The following WDR70 variants were observed in gnomAD, a reference collection of about 807,000 sequenced individuals.
WDR70 encodes the protein WD repeat-containing protein 70.
Under a neutral mutation model 88.6 loss-of-function variants are expected in WDR70, and 53 were observed. The ratio of observed to expected loss-of-function variants is 0.60; its 90% CI spans 0.48 to 0.75. The LOEUF (loss-of-function observed/expected upper bound fraction) is 0.75. WDR70 is among the 30% of genes least tolerant of loss of function. The pLI is 0.00. For missense variants in WDR70, 610 were observed against 823.2 expected (o/e 0.74, Z 3.17); for synonymous variants, 280 against 270.0 (o/e 1.04, Z -0.36).
chr5:37,673,969 C>G (rs1437091917), intron 10 of WDR70, among the ~76,000 whole-genome samples: 1 of 151,960 alleles, frequency 6.6e-6, no homozygotes, highest in Non-Finnish European at 1.5e-5. Flanking sequence ...TATGGCTACA[C>G]AGTATTCCAT....
intron 13 of WDR70, 98 bp from the exon 14 acceptor site, chr5:37,721,017 T>G: frequency 4.7e-5 from 45 of 962,228 alleles, no homozygotes; most frequent in East Asian, 1.4e-4. Context: ...ACCATCAGGA[T>G]GATATTTGAT....
chr5:37,525,711 C>T (rs867153043), intron 9 of WDR70, among the ~76,000 whole-genome samples: 2 of 151,806 alleles, frequency 1.3e-5, no homozygotes, highest in South Asian at 4.2e-4. Context: ...TTGAAAAGAT[C>T]AATAAAATTG....
rs138881696 is a variant in WDR70, at chr5:37,544,285, A to C, written c.917+27695A>C. Reference sequence around the variant, plus strand: ...CTTCCACTTGGAGAGGCACAGTGCCAAAGAGTAAGTACATTAAACATCCTG... The same window carrying C: ...CTTCCACTTGGAGAGGCACAGTGCCCAAGAGTAAGTACATTAAACATCCTG... On this transcript the variant is annotated intron_variant, in intron 9 of 17. Transcript: ENST00000265107. Among the ~76,000 whole-genome samples, 391 of 152,282 alleles carry C rather than the reference A, an allele frequency of 2.6e-3. 13 individuals carry two copies. In the East Asian group the frequency reaches 0.066, roughly 26 times the overall value.
chr5:37,402,892 ATCCTTCCT>A (rs201512739), intron 5 of WDR70, among the ~76,000 whole-genome samples: 3 of 137,344 alleles, frequency 2.2e-5, no homozygotes, highest in Non-Finnish European at 4.7e-5. Context: ...TGTAAAATCC[ATCCTTCCT>A]TCCTTCCTTC....
intron 17 of WDR70, among the ~76,000 whole-genome samples, chr5:37,739,757 C>G (rs1748418143): frequency 1.3e-5 from 2 of 152,102 alleles, no homozygotes; most frequent in South Asian, 2.1e-4. Flanking sequence ...AACCTGTCAT[C>G]TACAATAGGT....
In WDR70 at chr5:37,455,636, C is replaced by CTTTTTTTTTT. The variant is rs59254502; in HGVS notation, c.686+12274_686+12283dup. 1.9e-3 allele frequency among the ~76,000 whole-genome samples: 132 copies of CTTTTTTTTTT among 70,432 alleles called. 17 individuals are homozygous for CTTTTTTTTTT. Among genetic ancestry groups the CTTTTTTTTTT allele is most frequent in the East Asian group, 5.7e-3 (9 of 1,566 alleles). 46.2% of individuals were successfully genotyped at this position (70,432 alleles called of 152,430 possible). On this transcript the variant is annotated intron_variant, in intron 7 of 17. Transcript: ENST00000265107. Reference sequence around the variant, plus strand: ...TTCTCTCGGGTCCAGTTCTCTTTATCTTTTTTTTTTTTTTTTTTTGCCACA... The same window carrying CTTTTTTTTTT: ...TTCTCTCGGGTCCAGTTCTCTTTATCTTTTTTTTTTTTTTTTTTTTTTTTTTTTTGCCACA...
intron 13 of WDR70, among the ~76,000 whole-genome samples, chr5:37,706,061 A>C (rs1460621986): frequency 6.6e-6 from 1 of 152,254 alleles, no homozygotes; most frequent in Non-Finnish European, 1.5e-5. Context: ...TTTAACTAAA[A>C]ACTATCTTCA....
intron 10 of WDR70, among the ~76,000 whole-genome samples, chr5:37,612,897 A>G (rs1744226471): frequency 6.6e-6 from 1 of 152,240 alleles, no homozygotes; most frequent in Non-Finnish European, 1.5e-5. Context: ...GTGCTTTAAC[A>G]TGCCTATTTT....
chr5:37,563,851 G>C (rs1239673053), intron 9 of WDR70, among the ~76,000 whole-genome samples: 1 of 123,316 alleles, frequency 8.1e-6, no homozygotes, highest in African/African-American at 2.6e-5. Flanking sequence ...TTCTCAGATG[G>C]GGCGGTTGCC....
At chr5:37,542,445 A>G (rs577447714) in intron 9 of WDR70, among the ~76,000 whole-genome samples, 1 of 151,702 alleles carries the variant, frequency 6.6e-6, no homozygotes, top group Non-Finnish European at 1.5e-5. Flanking sequence ...ATGCCCGGCT[A>G]ATTTTTTGTA....
intron 8 of WDR70, chr5:37,506,362 A>G (rs1740561657): frequency 2.4e-6 from 2 of 825,246 alleles, no homozygotes; most frequent in Admixed American, 1.7e-5. Flanking sequence ...AACACACCCA[A>G]TAAATTAATG....
chr5:37,419,967 G>A (rs919741574), intron 5 of WDR70, among the ~76,000 whole-genome samples: 1 of 152,006 alleles, frequency 6.6e-6, no homozygotes, highest in Non-Finnish European at 1.5e-5. Flanking sequence ...TTGAGTTCCT[G>A]GGGTCAAGTG....
intron 8 of WDR70, among the ~76,000 whole-genome samples, chr5:37,507,249 T>G (rs1740589586): frequency 6.6e-6 from 1 of 152,236 alleles, no homozygotes; most frequent in African/African-American, 2.4e-5. Flanking sequence ...ATTCTTTTTG[T>G]ACATATTTAT....
chr5:37,704,238 A>C (rs1197485322), intron 13 of WDR70, among the ~76,000 whole-genome samples: 1 of 152,250 alleles, frequency 6.6e-6, no homozygotes, highest in African/African-American at 2.4e-5. Context: ...AAACACTAGA[A>C]TCAAAGAAAA....
At chr5:37,564,418 T>TC (rs1742669898) in intron 9 of WDR70, among the ~76,000 whole-genome samples, 1 of 152,060 alleles carries the variant, frequency 6.6e-6, no homozygotes, top group Admixed American at 6.5e-5. Context: ...TCGCAGGCAC[T>TC]GGGCAGGCTG....
intron 9 of WDR70, among the ~76,000 whole-genome samples, chr5:37,565,614 T>A (rs1196181258): frequency 6.6e-6 from 1 of 152,138 alleles, no homozygotes; most frequent in Non-Finnish European, 1.5e-5. Context: ...ATTACTTATG[T>A]TGTCTGTATT....
At chr5:37,505,193 A>G (rs1052536226) in intron 8 of WDR70, among the ~76,000 whole-genome samples, 1 of 152,162 alleles carries the variant, frequency 6.6e-6, no homozygotes, top group African/African-American at 2.4e-5. Context: ...ATTCACTCAT[A>G]TTGTATAAGC....
chr5:37,619,134 G>C (rs1273890195), intron 10 of WDR70, among the ~76,000 whole-genome samples: 1 of 152,100 alleles, frequency 6.6e-6, no homozygotes, highest in Non-Finnish European at 1.5e-5. Flanking sequence ...TGGTTAATGG[G>C]CTCTTTGAAA....
intron 10 of WDR70, among the ~76,000 whole-genome samples, chr5:37,635,193 T>C (rs1452945413): frequency 6.6e-6 from 1 of 152,182 alleles, no homozygotes; most frequent in Non-Finnish European, 1.5e-5. Context: ...CAACTTTGGA[T>C]CAAACTTCCT....
Sources: gnomAD v4.1 joint callset for allele counts (sites outside exome capture counted in the v4.1 genomes callset) on GRCh38, gnomAD v4.1.1 for gene constraint, MANE v1.5 for transcripts, NCBI Gene and HGNC (gene_info 2026-07-23, HGNC 2026-07-21) for gene names.